Variants in ACBD6 observed in about 807,000 individuals in gnomAD.
ACBD6 encodes acyl-CoA-binding domain-containing protein 6.
ACBD6 carries 28 observed loss-of-function variants against 37.2 expected under a neutral mutation model. The ratio of observed to expected loss-of-function variants is 0.75; its 90% CI spans 0.56 to 1.03. ACBD6 has a LOEUF of 1.03. Ranked by LOEUF, ACBD6 falls within the 50% of genes least tolerant of loss-of-function variation. The pLI is 0.00. For synonymous variants in ACBD6, 113 were observed against 126.8 expected (o/e 0.89, Z 0.73); for missense variants, 340 against 337.4 (o/e 1.01, Z -0.06).
chr1:180,440,457 T>G (rs2102012331), intron 3 of ACBD6, among the ~76,000 whole-genome samples: 1 of 152,342 alleles, frequency 6.6e-6, no homozygotes. Flanking sequence ...TGACATGAGA[T>G]TCACATAAAA....
chr1:180,415,957 C>T (rs891258647), intron 4 of ACBD6, among the ~76,000 whole-genome samples: 4 of 152,040 alleles, frequency 2.6e-5, no homozygotes, highest in African/African-American at 9.7e-5. Flanking sequence ...TATAGTTTAT[C>T]ATCACCAAAT....
chr1:180,278,155 C>CA (rs1263203366), intron 9 of ACBD6: 2 of 152,208 alleles, frequency 1.3e-5, no homozygotes, highest in African/African-American at 2.4e-5. Flanking sequence ...AAATAATGAC[C>CA]ATACCTCCCC....
chr1:180,501,924 CAA>C, intron 1 of ACBD6, 119 bp downstream of exon 1: 1 of 755,836 alleles, frequency 1.3e-6, no homozygotes, highest in Non-Finnish European at 2.1e-6. Flanking sequence ...AAAAACAAAA[CAA>C]AATACACATA....
At chr1:180,374,666 A>G (rs1653372119) in intron 6 of ACBD6, among the ~76,000 whole-genome samples, 1 of 152,226 alleles carries the variant, frequency 6.6e-6, no homozygotes, top group Non-Finnish European at 1.5e-5. Flanking sequence ...AGACTTTTCA[A>G]AAGACTCTTG....
intron 9 of ACBD6, chr1:180,277,591 A>T (rs1175289556): frequency 6.6e-6 from 1 of 152,190 alleles, no homozygotes. Flanking sequence ...GAAACCATGG[A>T]GGAAATACCA....
At chr1:180,437,650 G>A (rs1415954739) in intron 3 of ACBD6, among the ~76,000 whole-genome samples, 1 of 152,150 alleles carries the variant, frequency 6.6e-6, no homozygotes, top group Non-Finnish European at 1.5e-5. Flanking sequence ...CAGCAAAGTT[G>A]CAGGATACAA....
At chr1:180,418,724 T>C (rs541038170) in intron 4 of ACBD6, among the ~76,000 whole-genome samples, 1 of 152,364 alleles carries the variant, frequency 6.6e-6, no homozygotes, top group African/African-American at 2.4e-5. Flanking sequence ...CAGATGTTGA[T>C]TTCACATTGT....
At position 180,387,325 on chromosome 1, in the gene ACBD6, C is replaced by G. The variant is rs572942387; in HGVS notation, c.663+10191G>C. ...CTCCCTCCTCTCTAAAATTCTCCCC[C>G]ACACCATCACTCCCTATTTGGGAAG... is the stretch of plus-strand genomic sequence containing the variant. On this transcript the variant is annotated intron_variant, in intron 6 of 7. Coordinates refer to ENST00000367595, the MANE Select transcript of ACBD6 (RefSeq NM_032360.4). Among the ~76,000 whole-genome samples the G allele has an allele frequency of 3.9e-5, 6 of 152,298 alleles. No homozygotes were observed. The East Asian group carries it at 1.2e-3, about 29-fold the overall frequency.
chr1:180,335,395 CAT>C (rs1200518597), intron 6 of ACBD6, among the ~76,000 whole-genome samples: 1 of 152,138 alleles, frequency 6.6e-6, no homozygotes, highest in East Asian at 1.9e-4. Flanking sequence ...CCCAGAATTT[CAT>C]ATCCAGCCAA....
intron 3 of ACBD6, among the ~76,000 whole-genome samples, chr1:180,445,363 A>AAAAACTCT (rs1649434283): frequency 6.6e-6 from 1 of 152,240 alleles, no homozygotes; most frequent in Non-Finnish European, 1.5e-5. Context: ...AACCAATCAT[A>AAAAACTCT]AAAACTCTAA....
At chr1:180,353,464 C>CAG (rs1652497026) in intron 6 of ACBD6, among the ~76,000 whole-genome samples, 1 of 152,076 alleles carries the variant, frequency 6.6e-6, no homozygotes. Context: ...TCTATCCAAT[C>CAG]AGTTCAATAA....
At position 180,502,577 on chromosome 1, in the gene ACBD6, T is replaced by C. The variant is rs1253914769; in HGVS notation, c.-311A>G. On this transcript the variant is annotated 5_prime_UTR_variant, in exon 1 of 8. Coordinates refer to ENST00000367595, the MANE Select transcript of ACBD6 (RefSeq NM_032360.4). ...CAACGGAACAGGAGTCGAGGGGCAGTGAGGCCGGGATGCGTGCGAGCGCGG... is the reference window on the plus strand; with the variant it reads ...CAACGGAACAGGAGTCGAGGGGCAGCGAGGCCGGGATGCGTGCGAGCGCGG... 10 of 411,356 alleles carry C rather than the reference T, an allele frequency of 2.4e-5. No individual in the cohort carries two copies. Among genetic ancestry groups the C allele is most frequent in the African/African-American group, 1.6e-4 (8 of 48,882 alleles). The allele number at this position is 411,356 out of a possible 1,614,324, so 25.5% of individuals were successfully genotyped here. A position where few individuals can be genotyped will look rare whatever the true frequency, so the allele number is the denominator to read the frequency against.
intron 7 of ACBD6, among the ~76,000 whole-genome samples, chr1:180,301,407 G>T (rs984886751): frequency 1.3e-5 from 2 of 151,732 alleles, no homozygotes; most frequent in Non-Finnish European, 2.9e-5. Context: ...CACATATTTT[G>T]TATGTTATAT....
At chr1:180,423,513 T>C (rs1648457800) in intron 4 of ACBD6, among the ~76,000 whole-genome samples, 1 of 152,186 alleles carries the variant, frequency 6.6e-6, no homozygotes, top group Non-Finnish European at 1.5e-5. Context: ...AAACTTCCAT[T>C]TGTTATACTA....
chr1:180,397,920 A>T (rs1227135967), intron 5 of ACBD6, among the ~76,000 whole-genome samples: 2 of 151,956 alleles, frequency 1.3e-5, no homozygotes, highest in Non-Finnish European at 2.9e-5. Context: ...GGGCATGGTG[A>T]TGGGTGCTTG....
At chr1:180,300,390 C>CATT (rs199646415) in intron 7 of ACBD6, among the ~76,000 whole-genome samples, 6 of 151,650 alleles carry the variant, frequency 4.0e-5, no homozygotes, top group African/African-American at 9.7e-5. Context: ...CTTAATAAAT[C>CATT]ATTATTATTA....
chr1:180,298,449 A>C (rs545986486), intron 7 of ACBD6, among the ~76,000 whole-genome samples: 25 of 152,316 alleles, frequency 1.6e-4, no homozygotes, highest in Non-Finnish European at 3.2e-4. Flanking sequence ...CTATGGCTGA[A>C]GACACAAAAG....
chr1:180,475,707 A>G (rs1376555214), intron 3 of ACBD6, among the ~76,000 whole-genome samples: 2 of 152,136 alleles, frequency 1.3e-5, no homozygotes, highest in African/African-American at 4.8e-5. Flanking sequence ...GGTCCTATTT[A>G]GTATTCCATT....
chr1:180,390,595 G>A (rs1455523460), intron 6 of ACBD6, among the ~76,000 whole-genome samples: 1 of 152,118 alleles, frequency 6.6e-6, no homozygotes, highest in Non-Finnish European at 1.5e-5. Context: ...ACCTTGGGCA[G>A]TATGGCCATT....
Sources: gnomAD v4.1 joint callset for allele counts (sites outside exome capture counted in the v4.1 genomes callset) on GRCh38, gnomAD v4.1.1 for gene constraint, MANE v1.5 for transcripts, NCBI Gene and HGNC (gene_info 2026-07-23, HGNC 2026-07-21) for gene names.